The following SETBP1 variants were observed in gnomAD, a reference collection of about 807,000 sequenced individuals.
The protein encoded by SETBP1 is SET-binding protein.
SETBP1 carries 9 observed loss-of-function variants against 101.0 expected under a neutral mutation model. The ratio of observed to expected loss-of-function variants is 0.09; its 90% CI spans 0.05 to 0.16. SETBP1 has a LOEUF of 0.16. SETBP1 is among the 10% of genes least tolerant of loss of function. The pLI is 1.00. For missense variants in SETBP1, 1,858 were observed against 2,033.8 expected (o/e 0.91, Z 1.66); for synonymous variants, 818 against 788.5 (o/e 1.04, Z -0.63).
intron 2 of SETBP1, among the ~76,000 whole-genome samples, chr18:44,804,911 G>A (rs1206057319): frequency 6.6e-6 from 1 of 152,058 alleles, no homozygotes. Flanking sequence ...ACTCCTCCAG[G>A]CCATGTCACC....
chr18:44,988,824 T>A (rs1316587292), intron 4 of SETBP1: 1 of 152,182 alleles, frequency 6.6e-6, no homozygotes, highest in Non-Finnish European at 1.5e-5. Context: ...CTCTGAGAAA[T>A]CTTAATCTCA....
chr18:44,762,185 C>T (rs957361015), intron 2 of SETBP1, among the ~76,000 whole-genome samples: 1 of 149,968 alleles, frequency 6.7e-6, no homozygotes, highest in Non-Finnish European at 1.5e-5. Flanking sequence ...GACTTCTTTT[C>T]CCAGTTCTGG....
In SETBP1 at chr18:44,950,929, G is replaced by C; in HGVS notation, c.1589G>C (p.Arg530Pro). Residue 530 changes from arginine (R) to proline (P), a missense_variant, in exon 4 of 6, where the codon CGA (arginine) becomes CCA (proline). Coordinates refer to ENST00000649279, the MANE Select transcript of SETBP1 (RefSeq NM_015559.3). ...EIQHPKFAAK[R>P]RWTCSKPKPS... ...CAGCATCCAAAATTTGCTGCAAAAC[G>C]AAGGTGGACTTGCAGCAAACCAAAA... 6.2e-7 allele frequency: 1 copy of C among 1,614,116 alleles called. No individual in the cohort carries two copies.
intron 3 of SETBP1, among the ~76,000 whole-genome samples, chr18:44,879,809 C>T (rs1425180880): frequency 1.3e-5 from 2 of 152,202 alleles, no homozygotes; most frequent in Non-Finnish European, 2.9e-5. Context: ...GAAGGGAACA[C>T]CTCACACTTG....
chr18:44,868,687 A>AG, intron 2 of SETBP1, among the ~76,000 whole-genome samples: 1 of 133,028 alleles, frequency 7.5e-6, no homozygotes, highest in Non-Finnish European at 1.6e-5. Context: ...AGAGAGAGAG[A>AG]GAGAGAGAGA....
At chr18:44,825,152 A>T (rs1284915894) in intron 2 of SETBP1, among the ~76,000 whole-genome samples, 2 of 152,228 alleles carry the variant, frequency 1.3e-5, no homozygotes, top group Non-Finnish European at 2.9e-5. Context: ...TTAGACTGGG[A>T]TAGATCTTAG....
chr18:45,006,326 C>T (rs2072726151), intron 4 of SETBP1, among the ~76,000 whole-genome samples: 1 of 152,124 alleles, frequency 6.6e-6, no homozygotes, highest in African/African-American at 2.4e-5. Flanking sequence ...TTCCTACTAG[C>T]TTGTTCTTTA....
intron 2 of SETBP1, among the ~76,000 whole-genome samples, chr18:44,766,067 C>A (rs967822935): frequency 1.3e-5 from 2 of 152,200 alleles, no homozygotes; most frequent in Non-Finnish European, 2.9e-5. Context: ...TTTAAACTCA[C>A]TTCTATCTGA....
rs116048346 is a variant in SETBP1 at position 44,981,552 on chromosome 18, G to A, written c.4000+28212G>A. ...TCTGCAGATTGCACAATATAGAGTT[G>A]TTTTAGAATTCATCTTTCTGACAAT... On this transcript the variant is annotated intron_variant, in intron 4 of 5. Transcript: ENST00000649279. Among the ~76,000 whole-genome samples the A allele has an allele frequency of 2.6e-3, 394 of 152,318 alleles. 3 individuals carry two copies. The highest frequency in any genetic ancestry group is 8.9e-3 in the African/African-American group (370 of 41,564).
chr18:44,803,903 C>T (rs1405446858), intron 2 of SETBP1, among the ~76,000 whole-genome samples: 1 of 150,742 alleles, frequency 6.6e-6, no homozygotes, highest in Non-Finnish European at 1.5e-5. Flanking sequence ...GTAGTGATGT[C>T]TTCTCATGGT....
intron 4 of SETBP1, among the ~76,000 whole-genome samples, chr18:45,017,980 G>A (rs1205978925): frequency 6.6e-6 from 1 of 152,200 alleles, no homozygotes. Context: ...AGTTGGGACA[G>A]TGTCACCAAC....
intron 5 of SETBP1, among the ~76,000 whole-genome samples, chr18:45,060,946 C>T (rs1185461767): frequency 6.6e-6 from 1 of 152,162 alleles, no homozygotes; most frequent in Non-Finnish European, 1.5e-5. Context: ...CTTTATACTT[C>T]TATATTACAT....
chr18:44,701,858 T>C, intron 2 of SETBP1, 26 bp downstream of exon 2: 1 of 1,607,254 alleles, frequency 6.2e-7, no homozygotes. Flanking sequence ...TTATGGTTGT[T>C]TTTGTTTGTT....
intron 4 of SETBP1, among the ~76,000 whole-genome samples, chr18:44,996,306 C>T (rs955727972): frequency 7.2e-5 from 11 of 152,288 alleles, no homozygotes; most frequent in South Asian, 4.1e-4. Context: ...CCTGCTCACC[C>T]GGGGCCAGAT....
At chr18:44,794,027 G>A (rs2071419041) in intron 2 of SETBP1, among the ~76,000 whole-genome samples, 1 of 152,194 alleles carries the variant, frequency 6.6e-6, no homozygotes, top group Non-Finnish European at 1.5e-5. Flanking sequence ...CGCTTCTTTG[G>A]TTTCTGTAAC....
At chr18:44,910,057 A>G (rs2070268558) in intron 3 of SETBP1, among the ~76,000 whole-genome samples, 1 of 152,194 alleles carries the variant, frequency 6.6e-6, no homozygotes, top group African/African-American at 2.4e-5. Context: ...ACCTGAGTCC[A>G]TAACTATCGG....
intron 2 of SETBP1, among the ~76,000 whole-genome samples, chr18:44,802,751 G>T (rs1477032560): frequency 6.6e-6 from 1 of 152,150 alleles, no homozygotes; most frequent in Admixed American, 6.5e-5. Context: ...GTTACTTAAT[G>T]AATTATTCAG....
At position 45,067,030 on chromosome 18, in the gene SETBP1, A is replaced by G. The variant is rs1399119149; in HGVS notation, c.*3332A>G. Reference sequence around the variant, plus strand: ...GCTAAAACCCAAAGAAGAAAGGTCAAAGGAAGGGAAAGCATGTCAGGGGCT... The same window carrying G: ...GCTAAAACCCAAAGAAGAAAGGTCAGAGGAAGGGAAAGCATGTCAGGGGCT... On this transcript the variant is annotated 3_prime_UTR_variant, in exon 6 of 6. Coordinates refer to ENST00000649279, the MANE Select transcript of SETBP1 (RefSeq NM_015559.3). 1 of 152,226 alleles carries G rather than the reference A, an allele frequency of 6.6e-6. No homozygotes were observed. The highest frequency in any genetic ancestry group is 2.4e-5 in the African/African-American group (1 of 41,448). 9.4% of individuals were successfully genotyped at this position (152,226 alleles called of 1,614,324 possible).
chr18:44,856,855 T>C (rs2072987668), intron 2 of SETBP1, among the ~76,000 whole-genome samples: 1 of 152,186 alleles, frequency 6.6e-6, no homozygotes, highest in Non-Finnish European at 1.5e-5. Context: ...GGAAAGAAGT[T>C]GGTATTCTTT....
Sources: allele counts gnomAD v4.1 joint callset (sites outside exome capture counted in the v4.1 genomes callset), GRCh38; gene constraint gnomAD v4.1.1; transcripts MANE v1.5; gene names NCBI Gene and HGNC (gene_info 2026-07-23, HGNC 2026-07-21).